Variants in FAT3 observed in about 807,000 individuals in gnomAD.
The protein encoded by FAT3 is FAT atypical cadherin 3.
In FAT3, 95 loss-of-function variants were observed where a neutral mutation model predicts 310.2. The ratio of observed to expected loss-of-function variants is 0.31; its 90% CI spans 0.26 to 0.36. The LOEUF is 0.36. Among genes scored for constraint, FAT3 ranks in the 10% least tolerant of loss-of-function variants. The probability of loss-of-function intolerance (pLI) is 1.00; values close to 1 mark genes in which losing one functional copy is unlikely to be tolerated. For synonymous variants in FAT3, 2,314 were observed against 2,192.9 expected, an observed-to-expected ratio of 1.06 and a Z score of -1.54; for missense variants, 5,408 against 5,715.6, an observed-to-expected ratio of 0.95 and a Z score of 1.74.
intron 2 of FAT3, among the ~76,000 whole-genome samples, chr11:92,481,393 C>G (rs72972487): frequency 0.013 from 1,925 of 151,972 alleles, 14 homozygotes; most frequent in Non-Finnish European, 0.02. Flanking sequence ...AAAAACTATT[C>G]AGGATAAGCT....
chr11:92,477,385 T>C (rs1469224843), intron 2 of FAT3, among the ~76,000 whole-genome samples: 1 of 152,218 alleles, frequency 6.6e-6, no homozygotes, highest in African/African-American at 2.4e-5. Flanking sequence ...AAGTAATAGG[T>C]ACAAAATGAT....
Position 92,355,174 on chromosome 11 carries a change from T to C in FAT3, c.3062T>C (p.Leu1021Pro). 1 of 1,613,848 alleles carries C rather than the reference T, an allele frequency of 6.2e-7. No individual in the cohort carries two copies. Among genetic ancestry groups the C allele is most frequent in the Non-Finnish European group, 8.5e-7 (1 of 1,179,842 alleles). Residue 1021 changes from leucine (L) to proline (P), a missense_variant, in exon 2 of 28, where the codon CTG (leucine) becomes CCG (proline). This residue lies in a region of FAT3 where 4,588 missense variants were observed against 4,809.8 expected (regional missense o/e 0.95). Coordinates refer to ENST00000525166, the MANE Select transcript of FAT3 (RefSeq NM_001367949.2). ...RAKDKGRPVSLSSVSFVEVEV... is the reference protein window; with the variant it reads ...RAKDKGRPVSPSSVSFVEVEV... The stretch of plus-strand genomic sequence containing the variant: ...AAAGACAAAGGGCGGCCTGTCTCTC[T>C]GTCATCTGTTTCCTTTGTTGAGGTG...
chr11:92,604,044 A>G (rs1403217435), intron 3 of FAT3, among the ~76,000 whole-genome samples: 4 of 152,212 alleles, frequency 2.6e-5, no homozygotes, highest in African/African-American at 4.8e-5. Flanking sequence ...ATTTGCACTG[A>G]AATGGATGTC....
rs1354772424 is a variant in FAT3, at chr11:92,563,485, T to A, written c.3607+38537T>A. Among the ~76,000 whole-genome samples the A allele has an allele frequency of 5.3e-5, 8 of 152,198 alleles. No individual in the cohort carries two copies. The East Asian group carries it at 1.5e-3, about 29-fold the overall frequency. On this transcript the variant is annotated intron_variant, in intron 3 of 27. Coordinates refer to ENST00000525166, the MANE Select transcript of FAT3 (RefSeq NM_001367949.2). Reference sequence around the variant, plus strand: ...TATTCAAATATATTATTGTAATTACTACTAACAGTAATAAAAATTATCAGT... The same window carrying A: ...TATTCAAATATATTATTGTAATTACAACTAACAGTAATAAAAATTATCAGT...
rs115698880 is a variant in FAT3, at chr11:92,463,732, G to C, written c.3293-60902G>C. Among the ~76,000 whole-genome samples, 1,337 of 152,216 alleles carry C rather than the reference G, an allele frequency of 8.8e-3. 25 individuals are homozygous for C. The highest frequency in any genetic ancestry group is 0.027 in the African/African-American group (1,140 of 41,524). ...CAAGCACTCCAGGTTATTTACACTG[G>C]TAGTCTGGCACTCATATCTTACTGG... On this transcript the variant is annotated intron_variant, in intron 2 of 27. Coordinates refer to ENST00000525166, the MANE Select transcript of FAT3 (RefSeq NM_001367949.2).
chr11:92,894,181 C>T lies in FAT3; in HGVS notation c.*3068C>T, dbSNP rs576970083. The stretch of plus-strand genomic sequence containing the variant: ...TCATGATCTTATGTTTCCTTGCAGT[C>T]CCCCTAGGGAGAGGGGTTATAGAAT... On this transcript the variant is annotated 3_prime_UTR_variant, in exon 28 of 28. Coordinates refer to ENST00000525166, the MANE Select transcript of FAT3 (RefSeq NM_001367949.2). 1.3e-5 allele frequency: 2 copies of T among 152,284 alleles called. No individual in the cohort carries two copies. Among genetic ancestry groups the T allele is most frequent in the Admixed American group, 6.5e-5 (1 of 15,300 alleles). The allele number at this position is 152,284 out of a possible 1,614,324, so 9.4% of individuals were successfully genotyped here. A position where few individuals can be genotyped will look rare whatever the true frequency, so the allele number is the denominator to read the frequency against.
chr11:92,597,906 C>T (rs772374176), intron 3 of FAT3, among the ~76,000 whole-genome samples: 6 of 152,102 alleles, frequency 3.9e-5, no homozygotes, highest in African/African-American at 1.2e-4. Flanking sequence ...ACAGTCTCTG[C>T]AGGATATCTT....
chr11:92,252,959 A>T (rs71473474), intron 1 of FAT3, among the ~76,000 whole-genome samples: 7,884 of 152,102 alleles, frequency 0.052, 279 homozygotes, highest in African/African-American at 0.093. Context: ...GGTAGGGAGG[A>T]ATACATTGCA....
intron 14 of FAT3, among the ~76,000 whole-genome samples, chr11:92,834,160 G>C (rs1473352342): frequency 6.6e-6 from 1 of 152,224 alleles, no homozygotes; most frequent in Admixed American, 6.5e-5. Flanking sequence ...GGATGGGAAG[G>C]ATATAGCACC....
intron 3 of FAT3, among the ~76,000 whole-genome samples, chr11:92,673,194 G>A (rs1250464565): frequency 1.3e-5 from 2 of 152,114 alleles, no homozygotes; most frequent in African/African-American, 4.8e-5. Context: ...TTGAAATTAG[G>A]TTATTTCCTC....
At chr11:92,529,162 A>G (rs545023327) in intron 3 of FAT3, among the ~76,000 whole-genome samples, 1 of 152,364 alleles carries the variant, frequency 6.6e-6, no homozygotes, top group African/African-American at 2.4e-5. Context: ...CAGAACCATC[A>G]TACTTACCAT....
intron 3 of FAT3, among the ~76,000 whole-genome samples, chr11:92,552,089 A>T (rs1451055687): frequency 6.6e-6 from 1 of 152,216 alleles, no homozygotes; most frequent in East Asian, 1.9e-4. Context: ...ACAAAAGTAG[A>T]TTTTAATATT....
intron 3 of FAT3, among the ~76,000 whole-genome samples, chr11:92,618,353 G>A (rs1056435751): frequency 3.9e-5 from 6 of 152,156 alleles, no homozygotes; most frequent in African/African-American, 1.2e-4. Context: ...GGGTGGGAGT[G>A]TCCCGATTTT....
chr11:92,624,125 A>T (rs974699208), intron 3 of FAT3, among the ~76,000 whole-genome samples: 2 of 152,218 alleles, frequency 1.3e-5, no homozygotes, highest in African/African-American at 2.4e-5. Context: ...TTTTGGAATC[A>T]TGCACACTAC....
At position 92,891,245 on chromosome 11, in the gene FAT3, C is replaced by T. The variant is rs1329066942; in HGVS notation, c.*132C>T. 1 of 1,223,954 alleles carries T rather than the reference C, an allele frequency of 8.2e-7. No individual in the cohort carries two copies. The highest frequency in any genetic ancestry group is 1.1e-6 in the Non-Finnish European group (1 of 889,048). 75.8% of individuals were successfully genotyped at this position (1,223,954 alleles called of 1,614,324 possible). ...TGTATTTTTCCACTAGAAACTTCTTCACAAGTCATACTGTCCCAACAAGCA... is the reference window on the plus strand; with the variant it reads ...TGTATTTTTCCACTAGAAACTTCTTTACAAGTCATACTGTCCCAACAAGCA... On this transcript the variant is annotated 3_prime_UTR_variant, in exon 28 of 28. Transcript: ENST00000525166.
At position 92,374,919 on chromosome 11, in the gene FAT3, A is replaced by C. The variant is rs552438841; in HGVS notation, c.3292+19515A>C. Among the ~76,000 whole-genome samples the C allele has an allele frequency of 1.1e-4, 16 of 152,146 alleles. 1 individual carries two copies. The East Asian group carries it at 3.1e-3, about 29-fold the overall frequency. ...GAACTGAAGAGCTGCTGTGTCAGGC[A>C]TGTTGTCTGAATTGCTGGACATGGA... On this transcript the variant is annotated intron_variant, in intron 2 of 27. Coordinates refer to ENST00000525166, the MANE Select transcript of FAT3 (RefSeq NM_001367949.2).
At chr11:92,388,668 A>G (rs1382181398) in intron 2 of FAT3, among the ~76,000 whole-genome samples, 1 of 152,194 alleles carries the variant, frequency 6.6e-6, no homozygotes, top group African/African-American at 2.4e-5. Context: ...TCTGACCTGA[A>G]GAAGCTTATT....
intron 22 of FAT3, among the ~76,000 whole-genome samples, chr11:92,872,779 T>G (rs1949421113): frequency 6.6e-6 from 1 of 152,196 alleles, no homozygotes; most frequent in Non-Finnish European, 1.5e-5. Context: ...ACCTTCAAAT[T>G]TTTATTTTAC....
At chr11:92,715,802 A>G (rs542860613) in intron 4 of FAT3, among the ~76,000 whole-genome samples, 12 of 152,048 alleles carry the variant, frequency 7.9e-5, no homozygotes, top group African/African-American at 2.7e-4. Context: ...TGGGCCTTGG[A>G]TAAGAAGAAG....
Sources: gnomAD v4.1 joint callset for allele counts (sites outside exome capture counted in the v4.1 genomes callset) on GRCh38, gnomAD v4.1.1 for gene constraint, gnomAD v4.1.1 regional missense constraint, MANE v1.5 for transcripts, NCBI Gene and HGNC (gene_info 2026-07-23, HGNC 2026-07-21) for gene names.